The following ACAA2 variants were observed in gnomAD, a reference collection of about 807,000 sequenced individuals.
ACAA2 encodes acetyl-CoA acyltransferase 2.
A neutral mutation model predicts 44.8 loss-of-function variants in ACAA2; 35 were observed. That is an observed-to-expected ratio of 0.78 (90% confidence interval 0.60 to 1.04). ACAA2 has a LOEUF of 1.04. ACAA2 is among the 50% of genes least tolerant of loss of function. The pLI is 0.00. For missense variants in ACAA2, 468 were observed against 482.6 expected, an observed-to-expected ratio of 0.97 and a Z score of 0.28; for synonymous variants, 142 against 166.5, an observed-to-expected ratio of 0.85 and a Z score of 1.13.
At chr18:49,794,450 T>C (rs1212132525) in intron 4 of ACAA2, 23 bp from the exon 5 acceptor site, 7 of 1,524,102 alleles carry the variant, frequency 4.6e-6, no homozygotes, top group Non-Finnish European at 5.3e-6. Context: ...ATTAATAAAG[T>C]GACTTGTTAA....
chr18:49,802,547 C>G, intron 2 of ACAA2, 140 bp downstream of exon 2: 1 of 764,880 alleles, frequency 1.3e-6, no homozygotes, highest in Non-Finnish European at 1.8e-6. Flanking sequence ...GGCGGCAGAG[C>G]GAGACTCCAT....
intron 7 of ACAA2, among the ~76,000 whole-genome samples, chr18:49,789,120 T>A (rs1322482338): frequency 6.6e-6 from 1 of 152,202 alleles, no homozygotes; most frequent in Non-Finnish European, 1.5e-5. Context: ...CAGGGAGTGC[T>A]GTCTTTCTAT....
chr18:49,805,574 T>C (rs1184027570), intron 1 of ACAA2, among the ~76,000 whole-genome samples: 8 of 150,976 alleles, frequency 5.3e-5, no homozygotes, highest in Non-Finnish European at 1.5e-5. Context: ...AGTGTTTTCT[T>C]TTTTTTTTGA....
chr18:49,785,850 G>C (rs1245566464), intron 8 of ACAA2: 1 of 155,886 alleles, frequency 6.4e-6, no homozygotes, highest in Non-Finnish European at 1.4e-5. Flanking sequence ...ATAAGTGGTT[G>C]CAAGTATTAT....
intron 3 of ACAA2, among the ~76,000 whole-genome samples, chr18:49,796,965 A>AGT (rs1316290059): frequency 1.1e-5 from 1 of 87,254 alleles, no homozygotes; most frequent in Non-Finnish European, 2.3e-5. Context: ...AAAATATTGA[A>AGT]GTATATATAT....
chr18:49,785,435 C>A, intron 8 of ACAA2, 84 bp from the exon 9 acceptor site: 1 of 1,332,248 alleles, frequency 7.5e-7, no homozygotes, highest in South Asian at 1.3e-5. Context: ...CTATCAACAG[C>A]TAAGTCTGCT....
chr18:49,791,956 C>A (rs1348966481), intron 6 of ACAA2, among the ~76,000 whole-genome samples, 196 bp downstream of exon 6: 2 of 151,856 alleles, frequency 1.3e-5, no homozygotes, highest in Non-Finnish European at 2.9e-5. Context: ...ATTAAGAAAT[C>A]AGAAGAGTAT....
chr18:49,808,411 A>AT (rs2023632551), intron 1 of ACAA2, among the ~76,000 whole-genome samples: 1 of 152,258 alleles, frequency 6.6e-6, no homozygotes, highest in African/African-American at 2.4e-5. Context: ...ACAAATGTTT[A>AT]TTCCTAATTG....
At chr18:49,794,901 A>G (rs1365388265) in intron 4 of ACAA2, among the ~76,000 whole-genome samples, 1 of 152,180 alleles carries the variant, frequency 6.6e-6, no homozygotes, top group East Asian at 1.9e-4. Flanking sequence ...ATCGGTTACT[A>G]TGAGGCTGAA....
intron 6 of ACAA2, 41 bp downstream of exon 6, chr18:49,792,111 C>T: frequency 6.4e-7 from 1 of 1,555,502 alleles, no homozygotes; most frequent in Non-Finnish European, 8.8e-7. Context: ...TTGTTGAACA[C>T]ACCAGGAAGA....
chr18:49,797,823 T>A (rs532551202), intron 2 of ACAA2, among the ~76,000 whole-genome samples: 70 of 152,266 alleles, frequency 4.6e-4, no homozygotes, highest in African/African-American at 1.7e-3. Flanking sequence ...TGGGGCAAAA[T>A]ACACATAACA....
At position 49,784,890 on chromosome 18, in the gene ACAA2, G is replaced by A. The variant is rs79225424; in HGVS notation, c.1109+307C>T. 4.6e-3 allele frequency among the ~76,000 whole-genome samples: 695 copies of A among 152,042 alleles called. 5 individuals are homozygous for A. Among genetic ancestry groups the A allele is most frequent in the African/African-American group, 0.015 (614 of 41,452 alleles). On this transcript the variant is annotated intron_variant, in intron 9 of 9. Coordinates refer to ENST00000285093, the MANE Select transcript of ACAA2 (RefSeq NM_006111.3). ...TCCTGTAACTGGCACTAAAATACAA[G>A]TGCCATGAGAAGCAGGGCCTCATTA...
At position 49,800,420 on chromosome 18, in the gene ACAA2, G is replaced by T. The variant is rs972388750; in HGVS notation, c.183+2267C>A. ...GTGCCCAGCAGCTCATGGAGAACGG[G>T]CCATGATGACCGTGGCGGTTTTGTG... On this transcript the variant is annotated intron_variant, in intron 2 of 9. Coordinates refer to ENST00000285093, the MANE Select transcript of ACAA2 (RefSeq NM_006111.3). Among the ~76,000 whole-genome samples the T allele has an allele frequency of 4.6e-5, 7 of 152,226 alleles. No homozygotes were observed. In the East Asian group the frequency reaches 9.6e-4, roughly 21 times the overall value.
In ACAA2 at chr18:49,792,208, G is replaced by T; in HGVS notation, c.697C>A (p.Gln233Lys). Residue 233 changes from glutamine (Q) to lysine (K), a missense_variant, in exon 6 of 10, where the codon CAG becomes AAG. By Grantham distance (53) the Gln-to-Lys change is moderately conservative. Coordinates refer to ENST00000285093, the MANE Select transcript of ACAA2 (RefSeq NM_006111.3). ...TTCTTGAATACTGGAGGAAGTTTCT[G>T]TAACTGTTCCAGGGTGGTTTGGGGC... ...ARPQTTLEQL[Q>K]KLPPVFKKDG... 1.2e-6 allele frequency: 2 copies of T among 1,614,056 alleles called. No individual in the cohort carries two copies. The highest frequency in any genetic ancestry group is 1.7e-6 in the Non-Finnish European group (2 of 1,179,968).
At chr18:49,794,157 G>T in intron 5 of ACAA2, 123 bp downstream of exon 5, 1 of 752,392 alleles carries the variant, frequency 1.3e-6, no homozygotes, top group Non-Finnish European at 1.9e-6. Flanking sequence ...AAGGAATAAT[G>T]AAAAGATGTA....
At chr18:49,803,243 A>AATAATAATAATAATT (rs1359291292) in intron 1 of ACAA2, among the ~76,000 whole-genome samples, 89 of 136,792 alleles carry the variant, frequency 6.5e-4, no homozygotes, top group African/African-American at 2.6e-3. Flanking sequence ...TAGTTAAAAT[A>AATAATAATAATAATT]ATAATAATAA....
chr18:49,787,100 T>G lies in ACAA2; in HGVS notation c.954+191A>C, dbSNP rs559349239. Among the ~76,000 whole-genome samples, 9 of 152,208 alleles carry G rather than the reference T, an allele frequency of 5.9e-5. No individual in the cohort carries two copies. The East Asian group carries it at 1.7e-3, about 29-fold the overall frequency. ...ATATTCAAATATAAATAAAGCATGT[T>G]AACCAGGTGGGGAAAAGTATCAACA... On this transcript the variant is annotated intron_variant, in intron 8 of 9. Transcript: ENST00000285093.
At position 49,796,435 on chromosome 18, in the gene ACAA2, C is replaced by T. The variant is rs188673167; in HGVS notation, c.313-554G>A. ...TTCTTAAAATTATTACTAGGAAAAC[C>T]GAGGTCACTATTTAAGATATATCGT... On this transcript the variant is annotated intron_variant, in intron 3 of 9. Coordinates refer to ENST00000285093, the MANE Select transcript of ACAA2 (RefSeq NM_006111.3). Among the ~76,000 whole-genome samples, 11 of 152,188 alleles carry T rather than the reference C, an allele frequency of 7.2e-5. No homozygotes were observed. In the East Asian group the frequency reaches 1.2e-3, roughly 16 times the overall value.
At chr18:49,784,071 T>C (rs889760143) in intron 9 of ACAA2, 140 bp from the exon 10 acceptor site, 7 of 715,192 alleles carry the variant, frequency 9.8e-6, no homozygotes, top group Non-Finnish European at 1.5e-5. Flanking sequence ...AATTTTGGTA[T>C]AATTACAACA....
Sources: gnomAD v4.1 joint callset for allele counts (sites outside exome capture counted in the v4.1 genomes callset) on GRCh38, gnomAD v4.1.1 for gene constraint, MANE v1.5 for transcripts, NCBI Gene and HGNC (gene_info 2026-07-23, HGNC 2026-07-21) for gene names.